Variants in CTPS1 observed in about 807,000 individuals in gnomAD.
The protein encoded by CTPS1 is CTP synthase 1.
CTPS1 carries 25 observed loss-of-function variants against 80.5 expected under a neutral mutation model. The ratio of observed to expected loss-of-function variants is 0.31; its 90% CI spans 0.23 to 0.43. CTPS1 has a LOEUF of 0.43. CTPS1 is among the 20% of genes least tolerant of loss of function. The pLI is 1.00. For synonymous variants in CTPS1, 267 were observed against 252.5 expected (o/e 1.06, Z -0.54); for missense variants, 442 against 725.7 (o/e 0.61, Z 4.49).
intron 8 of CTPS1, chr1:40,997,138 G>C (rs904022843): frequency 2.6e-6 from 1 of 387,180 alleles, no homozygotes; most frequent in African/African-American, 2.1e-5. Flanking sequence ...GTTGTTTTTT[G>C]TGGGGGTTTT....
At chr1:40,983,619 C>CTTTTTTTTT (rs56179408) in intron 2 of CTPS1, among the ~76,000 whole-genome samples, 163 bp downstream of exon 2, 2 of 140,310 alleles carry the variant, frequency 1.4e-5, no homozygotes, top group Non-Finnish European at 1.5e-5. Context: ...AAGCAGAATT[C>CTTTTTTTTT]TTTTTTTTTT....
rs567200017 is a variant in CTPS1, at chr1:40,994,126, C to T, written c.721-1791C>T. On this transcript the variant is annotated intron_variant, in intron 7 of 18. Transcript: ENST00000650070. ...TTAGAGCACAGACACTTTTAAATTTCGATGAAGTCCAATCTGTTTTTTTCT... is the reference window on the plus strand; with the variant it reads ...TTAGAGCACAGACACTTTTAAATTTTGATGAAGTCCAATCTGTTTTTTTCT... 3.3e-5 allele frequency among the ~76,000 whole-genome samples: 5 copies of T among 152,142 alleles called. No homozygotes were observed. In the South Asian group the frequency reaches 8.3e-4, roughly 25 times the overall value.
At chr1:40,998,377 A>C (rs999334256) in intron 9 of CTPS1, among the ~76,000 whole-genome samples, 42 of 141,290 alleles carry the variant, frequency 3.0e-4, no homozygotes, top group Admixed American at 2.3e-4. Flanking sequence ...CAGCCTGGGC[A>C]ACAGAGTGAG....
chr1:40,984,694 G>A (rs1187811128), intron 2 of CTPS1, 127 bp from the exon 3 acceptor site: 2 of 683,412 alleles, frequency 2.9e-6, no homozygotes, highest in South Asian at 4.4e-5. Context: ...TCTTCTAGAA[G>A]TGAATTTCTG....
At chr1:41,000,567 G>T (rs1642879900) in intron 9 of CTPS1, among the ~76,000 whole-genome samples, 1 of 151,924 alleles carries the variant, frequency 6.6e-6, no homozygotes, top group African/African-American at 2.4e-5. Context: ...CTATATCTTG[G>T]TGTGTATGTT....
chr1:40,979,853 G>C (rs762302868), intron 1 of CTPS1, 24 bp downstream of exon 1: 15 of 152,140 alleles, frequency 9.9e-5, no homozygotes, highest in South Asian at 4.1e-4. Flanking sequence ...AGGGATCCCG[G>C]GGGGGATCTG....
intron 1 of CTPS1, among the ~76,000 whole-genome samples, chr1:40,981,585 G>C (rs1642293212): frequency 6.6e-6 from 1 of 152,030 alleles, no homozygotes; most frequent in African/African-American, 2.4e-5. Flanking sequence ...AGAGACTTAG[G>C]GTCAGATAAG....
chr1:41,006,190 T>G (rs1461089047), intron 13 of CTPS1, 96 bp downstream of exon 13: 2 of 1,052,798 alleles, frequency 1.9e-6, no homozygotes, highest in East Asian at 4.8e-5. Flanking sequence ...GTGAGACTGC[T>G]TGAGTCCATC....
intron 12 of CTPS1, among the ~76,000 whole-genome samples, chr1:41,003,441 G>A (rs984845482): frequency 6.6e-6 from 1 of 152,148 alleles, no homozygotes; most frequent in Admixed American, 6.5e-5. Context: ...TTTGATCACC[G>A]TGGCCACCAT....
At chr1:40,998,015 T>C (rs1441081415) in intron 9 of CTPS1, among the ~76,000 whole-genome samples, 1 of 152,202 alleles carries the variant, frequency 6.6e-6, no homozygotes, top group East Asian at 1.9e-4. Flanking sequence ...TGTTCTGGTC[T>C]GTGCCATGGC....
chr1:40,988,563 C>A, intron 4 of CTPS1, 31 bp from the exon 5 acceptor site: 2 of 1,503,602 alleles, frequency 1.3e-6, no homozygotes, highest in Non-Finnish European at 1.9e-6. Context: ...GGGTTTAGTG[C>A]CTAACCTCTG....
intron 12 of CTPS1, among the ~76,000 whole-genome samples, chr1:41,004,506 A>T (rs1225599061): frequency 6.6e-6 from 1 of 152,116 alleles, no homozygotes; most frequent in African/African-American, 2.4e-5. Context: ...CCTCTCACTT[A>T]GGTTCCCAAA....
At chr1:41,009,142 A>G (rs1318029719) in intron 16 of CTPS1, among the ~76,000 whole-genome samples, 1 of 152,098 alleles carries the variant, frequency 6.6e-6, no homozygotes, top group Non-Finnish European at 1.5e-5. Flanking sequence ...TGGAGTTGGT[A>G]CTAAAGCCAC....
intron 7 of CTPS1, among the ~76,000 whole-genome samples, chr1:40,993,825 C>T (rs1163602162): frequency 8.3e-6 from 1 of 119,928 alleles, no homozygotes; most frequent in Non-Finnish European, 1.6e-5. Context: ...GTTGCTCAGA[C>T]TGTAGTGCAG....
chr1:41,006,135 G>T (rs1275198152), intron 13 of CTPS1, 41 bp downstream of exon 13: 1 of 1,507,792 alleles, frequency 6.6e-7, no homozygotes, highest in Admixed American at 1.7e-5. Context: ...TTAGAAGGGT[G>T]TAGAAGGGGC....
chr1:41,008,207 C>G (rs1010501571), intron 14 of CTPS1, among the ~76,000 whole-genome samples: 3 of 152,200 alleles, frequency 2.0e-5, no homozygotes, highest in Non-Finnish European at 4.4e-5. Context: ...CGCAAATGTC[C>G]AGCTTGTTCA....
At chr1:40,982,654 T>C (rs1642347896) in intron 1 of CTPS1, among the ~76,000 whole-genome samples, 1 of 152,238 alleles carries the variant, frequency 6.6e-6, no homozygotes, top group Non-Finnish European at 1.5e-5. Flanking sequence ...CCTCCCAAAG[T>C]GCTGGGATTA....
chr1:40,995,428 C>G (rs1642726337), intron 7 of CTPS1, among the ~76,000 whole-genome samples: 1 of 149,746 alleles, frequency 6.7e-6, no homozygotes. Context: ...GAGTCTCACT[C>G]TGTCACCCAG....
intron 11 of CTPS1, among the ~76,000 whole-genome samples, chr1:41,002,500 A>G (rs1290437760): frequency 6.6e-6 from 1 of 152,208 alleles, no homozygotes; most frequent in Non-Finnish European, 1.5e-5. Context: ...ATTCCTGTCC[A>G]TTTAATGAAC....
Sources: gnomAD v4.1 joint callset for allele counts (sites outside exome capture counted in the v4.1 genomes callset) on GRCh38, gnomAD v4.1.1 for gene constraint, MANE v1.5 for transcripts, NCBI Gene and HGNC (gene_info 2026-07-23, HGNC 2026-07-21) for gene names.